GYG2: variants seen among roughly 807,000 people sequenced by gnomAD.
GYG2 encodes the protein glycogenin 2.
GYG2 carries 29 observed loss-of-function variants against 29.4 expected under a neutral mutation model. The observed-to-expected ratio is 0.99, with a 90% CI of 0.74 to 1.35. The LOEUF (loss-of-function observed/expected upper bound fraction) is 1.35. Among genes scored for constraint, GYG2 ranks in the 40% most tolerant of loss-of-function variants. GYG2 has a pLI of 0.00. For missense variants in GYG2, 370 were observed against 385.7 expected, an observed-to-expected ratio of 0.96 and a Z score of 0.34; for synonymous variants, 167 against 172.3, an observed-to-expected ratio of 0.97 and a Z score of 0.24.
At chrX:2,829,941 G>A in intron 1 of GYG2, 120 bp from the exon 2 acceptor site, 2 of 412,210 alleles carry the variant, frequency 4.9e-6, no homozygotes, top group Non-Finnish European at 8.5e-6. Context: ...GGTCGCAGGG[G>A]CATCGGGGGA....
chrX:2,869,032 A>C (rs1409903717), intron 8 of GYG2, among the ~76,000 whole-genome samples: 1 of 101,830 alleles, frequency 9.8e-6, no homozygotes, highest in African/African-American at 3.5e-5. Flanking sequence ...AAAAAAAAAG[A>C]GGGATGCTGT....
chrX:2,867,817 A>G (rs1259733359), intron 8 of GYG2, among the ~76,000 whole-genome samples: 1 of 112,470 alleles, frequency 8.9e-6, no homozygotes, highest in Admixed American at 9.4e-5. Flanking sequence ...CATTTAGACC[A>G]GGTGCAGTGG....
At chrX:2,841,430 G>A (rs1191528890) in intron 2 of GYG2, among the ~76,000 whole-genome samples, 6 of 109,312 alleles carry the variant, frequency 5.5e-5, no homozygotes, top group African/African-American at 1.0e-4. Flanking sequence ...ATGGATGGAC[G>A]GATGGATGGA....
At position 2,849,661 on chromosome X, in the gene GYG2, G is replaced by C. The variant is rs919905080; in HGVS notation, c.150-4319G>C. On this transcript the variant is annotated intron_variant, in intron 3 of 10. Transcript: ENST00000398806. ...TTGATGTCTCAAAATTCTGGTGCAA[G>C]ATAACTTTGAAATGAAAGTTCTGTA... Among the ~76,000 whole-genome samples the C allele has an allele frequency of 4.5e-5, 5 of 112,304 alleles. No homozygotes were observed. The South Asian group carries it at 1.9e-3, about 42-fold the overall frequency.
chrX:2,865,470 G>C (rs1276391592), intron 8 of GYG2, among the ~76,000 whole-genome samples: 1 of 111,529 alleles, frequency 9.0e-6, no homozygotes, highest in Middle Eastern at 4.2e-3. Context: ...CATAATTGTC[G>C]ATGAGGTGGC....
chrX:2,830,027 G>T (rs190588840), intron 1 of GYG2, 34 bp from the exon 2 acceptor site: 2 of 483,322 alleles, frequency 4.1e-6, no homozygotes, highest in Non-Finnish European at 3.6e-6. Flanking sequence ...GCCTGCAGCC[G>T]AGGGTGTCGA....
intron 10 of GYG2, among the ~76,000 whole-genome samples, chrX:2,880,310 C>G (rs1163566983): frequency 4.5e-5 from 5 of 110,004 alleles, no homozygotes; most frequent in African/African-American, 1.7e-4. Flanking sequence ...AGTCCAAATT[C>G]TTATAGGCTT....
chrX:2,847,365 C>T (rs1450374831), intron 3 of GYG2, among the ~76,000 whole-genome samples: 3 of 110,002 alleles, frequency 2.7e-5, no homozygotes, highest in Non-Finnish European at 3.8e-5. Context: ...ATGATAAGAT[C>T]CTTTTAAAAT....
chrX:2,861,445 C>T, intron 7 of GYG2, 77 bp from the exon 8 acceptor site: 1 of 791,872 alleles, frequency 1.3e-6, no homozygotes, highest in Non-Finnish European at 1.9e-6. Context: ...TACACAGGGC[C>T]CCACCCGCCC....
At position 2,868,149 on chromosome X, in the gene GYG2, G is replaced by A. The variant is rs142205698; in HGVS notation, c.1038+6427G>A. Among the ~76,000 whole-genome samples, 479 of 110,679 alleles carry A rather than the reference G, an allele frequency of 4.3e-3. 3 individuals carry two copies. Among genetic ancestry groups the A allele is most frequent in the African/African-American group, 0.015 (448 of 30,452 alleles). ...GCATAAACTTAAATAACTGGGGAGC[G>A]TTATGTTGGCTGACTGCAACACAGA... On this transcript the variant is annotated intron_variant, in intron 8 of 10. Coordinates refer to ENST00000398806, the MANE Select transcript of GYG2 (RefSeq NM_001079855.2).
chrX:2,833,048 T>C (rs775366578), intron 2 of GYG2, among the ~76,000 whole-genome samples: 61 of 112,163 alleles, frequency 5.4e-4, no homozygotes, highest in African/African-American at 1.9e-3. Flanking sequence ...TGTGTTTTTC[T>C]GCTGGGGCTG....
At chrX:2,845,049 A>ATATT (rs534866939) in intron 3 of GYG2, among the ~76,000 whole-genome samples, 2 of 6,754 alleles carry the variant, frequency 3.0e-4, no homozygotes, top group African/African-American at 3.7e-4. Flanking sequence ...ATGTGTATGT[A>ATATT]TATATACACG....
intron 3 of GYG2, among the ~76,000 whole-genome samples, chrX:2,845,059 G>GTGTATGTATATTTATATACACA (rs1569057324): frequency 1.3e-3 from 68 of 50,821 alleles, no homozygotes; most frequent in African/African-American, 5.8e-3. Context: ...ATATATACAC[G>GTGTATGTATATTTATATACACA]TGTGTATGTA....
intron 8 of GYG2, among the ~76,000 whole-genome samples, chrX:2,865,927 CT>C (rs1349185645): frequency 9.0e-6 from 1 of 111,702 alleles, no homozygotes; most frequent in Non-Finnish European, 1.9e-5. Context: ...GAAGGGACAT[CT>C]GCCCCCCGTC....
At chrX:2,866,850 G>T (rs186555898) in intron 8 of GYG2, among the ~76,000 whole-genome samples, 64 of 109,805 alleles carry the variant, frequency 5.8e-4, no homozygotes, top group Non-Finnish European at 7.8e-4. Flanking sequence ...AAAAAAGTAT[G>T]TTCAACAGCC....
At position 2,861,609 on chromosome X, in the gene GYG2, G is replaced by A. The variant is rs147564323; in HGVS notation, c.925G>A (p.Val309Met). Reference protein sequence around the residue: ...PCENSTPSAGVPCANSPLGSN... With the variant: ...PCENSTPSAGMPCANSPLGSN... ...TGAAAATTCAACACCCAGTGCGGGC[G>A]TGCCGTGTGCAAATTCACCACTGGG... Residue 309 changes from valine (V) to methionine (M), a missense_variant, in exon 8 of 11, where the codon GTG becomes ATG. By Grantham distance (21) the Val-to-Met change is conservative. Transcript: ENST00000398806. 56 of 1,204,549 alleles carry A rather than the reference G, an allele frequency of 4.6e-5. No homozygotes were observed. Among genetic ancestry groups the A allele is most frequent in the African/African-American group, 8.8e-5 (5 of 56,991 alleles).
intron 8 of GYG2, among the ~76,000 whole-genome samples, chrX:2,865,623 G>A (rs1039248513): frequency 2.2e-4 from 24 of 111,428 alleles, no homozygotes; most frequent in African/African-American, 7.5e-4. Flanking sequence ...GAATCGTGAT[G>A]ACAGAATTGA....
At chrX:2,873,926 C>T (rs764647318) in intron 8 of GYG2, among the ~76,000 whole-genome samples, 1 of 109,351 alleles carries the variant, frequency 9.1e-6, no homozygotes, top group African/African-American at 3.3e-5. Flanking sequence ...CCCATCTCTA[C>T]GAAAAAATAC....
At chrX:2,831,658 G>A (rs1357543913) in intron 2 of GYG2, among the ~76,000 whole-genome samples, 1 of 111,766 alleles carries the variant, frequency 8.9e-6, no homozygotes, top group Non-Finnish European at 1.9e-5. Context: ...CATTCAAGAC[G>A]GACATTCGCA....
Sources: gnomAD v4.1 joint callset for allele counts (sites outside exome capture counted in the v4.1 genomes callset) on GRCh38, gnomAD v4.1.1 for gene constraint, MANE v1.5 for transcripts, NCBI Gene and HGNC (gene_info 2026-07-23, HGNC 2026-07-21) for gene names.